SLC25A25: variants seen among roughly 807,000 people sequenced by gnomAD.
The protein encoded by SLC25A25 is solute carrier family 25 member 25.
Under a neutral mutation model 57.7 loss-of-function variants are expected in SLC25A25, and 32 were observed. That is an observed-to-expected ratio of 0.55 (90% CI 0.42 to 0.74). SLC25A25 has a LOEUF of 0.74. SLC25A25 is among the 30% of genes least tolerant of loss of function. The pLI, the probability that SLC25A25 is intolerant of heterozygous loss-of-function variation, is 0.00. For missense variants in SLC25A25, 556 were observed against 701.3 expected, an observed-to-expected ratio of 0.79 and a Z score of 2.34; for synonymous variants, 306 against 291.2, an observed-to-expected ratio of 1.05 and a Z score of -0.52.
intron 6 of SLC25A25, 43 bp from the exon 7 acceptor site, chr9:128,105,686 G>C: frequency 6.2e-7 from 1 of 1,611,424 alleles, no homozygotes; most frequent in Non-Finnish European, 8.5e-7. Context: ...GAGGCAGCCT[G>C]TGGCCCCCCG....
chr9:128,079,617 A>AT (rs1564179512), intron 1 of SLC25A25, among the ~76,000 whole-genome samples: 1 of 150,638 alleles, frequency 6.6e-6, no homozygotes, highest in African/African-American at 2.4e-5. Flanking sequence ...AAAAAAAAAA[A>AT]AAAAAAAAAA....
chr9:128,093,427 G>A (rs932039811), intron 1 of SLC25A25, among the ~76,000 whole-genome samples: 6 of 152,282 alleles, frequency 3.9e-5, no homozygotes, highest in African/African-American at 1.2e-4. Flanking sequence ...TTTGTCTTTA[G>A]CAGTTAACTG....
At chr9:128,073,892 C>G (rs1398574687) in intron 1 of SLC25A25, among the ~76,000 whole-genome samples, 1 of 151,984 alleles carries the variant, frequency 6.6e-6, no homozygotes, top group Admixed American at 6.6e-5. Context: ...CGCCACCATG[C>G]CCTGCTAATT....
chr9:128,083,239 AT>A (rs1211824024), intron 1 of SLC25A25, among the ~76,000 whole-genome samples: 32 of 14,020 alleles, frequency 2.3e-3, no homozygotes, highest in African/African-American at 3.1e-3. Context: ...AAAAAAAAAA[AT>A]AAATAAATAA....
Position 128,108,478 on chromosome 9 carries a change from GC to G in SLC25A25, c.*1038del. 2.6e-6 allele frequency: 1 copy of G among 390,884 alleles called. No homozygotes were observed. Among genetic ancestry groups the G allele is most frequent in the South Asian group, 1.4e-4 (1 of 6,964 alleles). 24.2% of individuals were successfully genotyped at this position (390,884 alleles called of 1,614,324 possible). ...CCCCAGCAGGGGCGCAGCGGGACCA[GC>G]CCCACATTCCACTTGTGTCACTGCT... is the stretch of plus-strand genomic sequence containing the variant. On this transcript the variant is annotated 3_prime_UTR_variant, in exon 11 of 11. Coordinates refer to ENST00000373069, the MANE Select transcript of SLC25A25 (RefSeq NM_001330988.2).
Position 128,099,036 on chromosome 9 carries a change from G to A in SLC25A25, c.262-2060G>A. 3.0e-6 allele frequency: 3 copies of A among 985,424 alleles called. No homozygotes were observed. Among genetic ancestry groups the A allele is most frequent in the Non-Finnish European group, 3.6e-6 (3 of 829,924 alleles). The allele number at this position is 985,424 out of a possible 1,614,324, so 61.0% of individuals were successfully genotyped here. ...GTACAGAGCCAGAAAGGGACCTGGG[G>A]GGCAGGCCAGTAGTGCATGGGAGGA... On this transcript the variant is annotated intron_variant, in intron 1 of 10. Coordinates refer to ENST00000373069, the MANE Select transcript of SLC25A25 (RefSeq NM_001330988.2). This position sits in a 1 kb window ranked among gnomAD's most constrained non-coding sequence, Gnocchi z 6.8.
Position 128,107,900 on chromosome 9 carries a change from A to C in SLC25A25, c.*456A>C, listed in dbSNP as rs376171587. 7.5e-6 allele frequency: 3 copies of C among 400,212 alleles called. No individual in the cohort carries two copies. The highest frequency in any genetic ancestry group is 2.1e-5 in the African/African-American group (1 of 48,636). 24.8% of individuals were successfully genotyped at this position (400,212 alleles called of 1,614,324 possible). ...TAAGGTGGGAGGAGGGCTACAGCCC[A>C]CATCCCACCCCCTCGTCCAATCCCA... On this transcript the variant is annotated 3_prime_UTR_variant, in exon 11 of 11. Transcript: ENST00000373069.
rs144590784 is a variant in SLC25A25 at position 128,095,602 on chromosome 9, A to G, written c.262-5494A>G. ...CCAAATGCCAATTGAAGTTTATCCA[A>G]TGAAGACATTCCATGAGACTCAGTC... is the stretch of plus-strand genomic sequence containing the variant. On this transcript the variant is annotated intron_variant, in intron 1 of 10. Transcript: ENST00000373069. This position sits in a 1 kb window ranked among gnomAD's most constrained non-coding sequence, Gnocchi z 4.4. 1.3e-4 allele frequency among the ~76,000 whole-genome samples: 20 copies of G among 152,336 alleles called. No homozygotes were observed. Among genetic ancestry groups the G allele is most frequent in the Admixed American group, 3.9e-4 (6 of 15,304 alleles).
At position 128,105,710 on chromosome 9, in the gene SLC25A25, G is replaced by A. The variant is rs375904258; in HGVS notation, c.784-19G>A. 1 of 1,611,950 alleles carries A rather than the reference G, an allele frequency of 6.2e-7. No individual in the cohort carries two copies. The highest frequency in any genetic ancestry group is 8.5e-7 in the Non-Finnish European group (1 of 1,180,018). ...TGTGGCCCCCCGGGTCCGTCTGACT[G>A]TTCGGTCCTCCCTCCCAGGTCCATG... On this transcript the variant is annotated intron_variant, in intron 6 of 10. Transcript: ENST00000373069.
Position 128,099,057 on chromosome 9 carries a change from G to A in SLC25A25, c.262-2039G>A. 1.0e-6 allele frequency: 1 copy of A among 985,428 alleles called. No homozygotes were observed. Among genetic ancestry groups the A allele is most frequent in the Non-Finnish European group, 1.2e-6 (1 of 829,934 alleles). 61.0% of individuals were successfully genotyped at this position (985,428 alleles called of 1,614,324 possible). ...TGGGGGGCAGGCCAGTAGTGCATGG[G>A]AGGAGAAGGCAGGGAGGCCCAGGAG... On this transcript the variant is annotated intron_variant, in intron 1 of 10. Transcript: ENST00000373069. This position sits in a 1 kb window ranked among gnomAD's most constrained non-coding sequence, Gnocchi z 6.8.
chr9:128,092,227 G>A, intron 1 of SLC25A25: 2 of 1,141,210 alleles, frequency 1.8e-6, no homozygotes, highest in South Asian at 3.3e-5. Context: ...AGGCAATGAG[G>A]AAGCCCACAA....
Position 128,102,287 on chromosome 9 carries a change from G to A in SLC25A25, c.513-83G>A, listed in dbSNP as rs868206335. ...GTGGTTTCTGGGCATCCGAATGCCT[G>A]CCCTTGGCTCACTGGGAGGTGGGGG... On this transcript the variant is annotated intron_variant, in intron 4 of 10. Coordinates refer to ENST00000373069, the MANE Select transcript of SLC25A25 (RefSeq NM_001330988.2). This position sits in a 1 kb window ranked among gnomAD's most constrained non-coding sequence, Gnocchi z 4.1. 13 of 1,457,558 alleles carry A rather than the reference G, an allele frequency of 8.9e-6. No homozygotes were observed. In the Middle Eastern group the frequency reaches 2.1e-3, roughly 235 times the overall value. 90.3% of individuals were successfully genotyped at this position (1,457,558 alleles called of 1,614,324 possible). A position where few individuals can be genotyped will look rare whatever the true frequency, so the allele number is the denominator to read the frequency against.
chr9:128,103,757 G>T lies in SLC25A25; in HGVS notation c.701G>T (p.Arg234Ile), dbSNP rs1833901366. The change falls in exon 6 of 11, where the codon AGA becomes ATA. Residue 234 changes from arginine to isoleucine, a missense_variant. Around this residue, in one of 3 missense-constraint regions of SLC25A25, gnomAD observed 294 missense variants for 389.6 expected, o/e 0.75. Coordinates refer to ENST00000373069, the MANE Select transcript of SLC25A25 (RefSeq NM_001330988.2). This position sits in a 1 kb window ranked among gnomAD's most constrained non-coding sequence, Gnocchi z 6.7. ...VEERQTGMWWRHLVAGGGAGA... is the reference protein window; with the variant it reads ...VEERQTGMWWIHLVAGGGAGA... ...GAGAGGCAGACGGGGATGTGGTGGA[G>T]ACACCTGGTGGCAGGAGGTGGGGCA... is the stretch of plus-strand genomic sequence containing the variant. 1.9e-6 allele frequency: 3 copies of T among 1,614,132 alleles called. No homozygotes were observed. The highest frequency in any genetic ancestry group is 2.5e-6 in the Non-Finnish European group (3 of 1,180,004).
rs115588628 is a variant in SLC25A25 at position 128,103,230 on chromosome 9, G to C, written c.625-451G>C. Reference sequence around the variant, plus strand: ...CGGATGTCACCCGGAGAAAGGTTACGCAGGCAGCGAGCCCTCGTGTTTGCT... The same window carrying C: ...CGGATGTCACCCGGAGAAAGGTTACCCAGGCAGCGAGCCCTCGTGTTTGCT... On this transcript the variant is annotated intron_variant, in intron 5 of 10. Transcript: ENST00000373069. The surrounding 1 kb of genome is among the most constrained non-coding windows in gnomAD (Gnocchi z 6.7). Among the ~76,000 whole-genome samples, 3 of 152,192 alleles carry C rather than the reference G, an allele frequency of 2.0e-5. No individual in the cohort carries two copies. The highest frequency in any genetic ancestry group is 4.4e-5 in the Non-Finnish European group (3 of 68,034).
At position 128,099,206 on chromosome 9, in the gene SLC25A25, G is replaced by A. The variant is rs1833685810; in HGVS notation, c.262-1890G>A. 4.7e-6 allele frequency: 6 copies of A among 1,283,866 alleles called. No homozygotes were observed. Among genetic ancestry groups the A allele is most frequent in the Admixed American group, 2.4e-5 (1 of 42,500 alleles). 79.5% of individuals were successfully genotyped at this position (1,283,866 alleles called of 1,614,324 possible). ...TGTCTGCCCTGAAAGTGAGGAAGCC[G>A]AGCTGCAGAGTCCGGAGGCCCCTTG... On this transcript the variant is annotated intron_variant, in intron 1 of 10. Coordinates refer to ENST00000373069, the MANE Select transcript of SLC25A25 (RefSeq NM_001330988.2). The surrounding 1 kb of genome is among the most constrained non-coding windows in gnomAD (Gnocchi z 6.8).
At position 128,107,379 on chromosome 9, in the gene SLC25A25, G is replaced by T. The variant is rs1354571102; in HGVS notation, c.1483G>T (p.Ala495Ser). ...CCCCAACTTCATGAAGGTCATCCCA[G>T]CTGTGAGCATCAGCTACGTGGTCTA... ...LAPNFMKVIP[A>S]VSISYVVYEN... is the part of the protein sequence containing the mutation. Residue 495 changes from alanine to serine, a missense_variant, in exon 11 of 11, where the codon GCT (alanine) becomes TCT (serine). By Grantham distance (99) the Ala-to-Ser change is moderately conservative. Transcript: ENST00000373069. The T allele has an allele frequency of 1.3e-6, 2 of 1,513,028 alleles. No individual in the cohort carries two copies. The highest frequency in any genetic ancestry group is 1.4e-5 in the African/African-American group (1 of 71,700). The allele number at this position is 1,513,028 out of a possible 1,614,324, so 93.7% of individuals were successfully genotyped here.
intron 1 of SLC25A25, among the ~76,000 whole-genome samples, chr9:128,087,348 G>A (rs1460982228): frequency 6.6e-6 from 1 of 152,074 alleles, no homozygotes; most frequent in South Asian, 2.1e-4. Flanking sequence ...TGCAACCTCC[G>A]CCTTTTGGGT....
chr9:128,075,221 C>T (rs1472602249), intron 1 of SLC25A25, among the ~76,000 whole-genome samples: 1 of 151,948 alleles, frequency 6.6e-6, no homozygotes, highest in African/African-American at 2.4e-5. Context: ...GCAGGAGGAT[C>T]GCTTGAGTCT....
chr9:128,069,939 A>C (rs1289452716), intron 1 of SLC25A25, among the ~76,000 whole-genome samples: 1 of 49,092 alleles, frequency 2.0e-5, no homozygotes, highest in Non-Finnish European at 3.8e-5. Flanking sequence ...TTTTTTTTTG[A>C]GAGAGTCTCA....
Sources: gnomAD v4.1 joint callset for allele counts (sites outside exome capture counted in the v4.1 genomes callset) on GRCh38, gnomAD v4.1.1 for gene constraint, gnomAD v4.1.1 regional missense constraint, Gnocchi (gnomAD v3.1) non-coding constraint, MANE v1.5 for transcripts, NCBI Gene and HGNC (gene_info 2026-07-23, HGNC 2026-07-21) for gene names.